The following JARID2 variants were observed in gnomAD, a reference collection of about 807,000 sequenced individuals.
JARID2 encodes the protein protein Jumonji.
In JARID2, 21 loss-of-function variants were observed where a neutral mutation model predicts 125.6. That is an observed-to-expected ratio of 0.17 (90% CI 0.12 to 0.24). JARID2 has a LOEUF of 0.24. Among genes scored for constraint, JARID2 ranks in the 10% least tolerant of loss-of-function variants. The probability of loss-of-function intolerance (pLI) is 1.00; values close to 1 mark genes in which losing one functional copy is unlikely to be tolerated. For synonymous variants in JARID2, 736 were observed against 661.6 expected, an observed-to-expected ratio of 1.11 and a Z score of -1.73; for missense variants, 1,303 against 1,639.6, an observed-to-expected ratio of 0.79 and a Z score of 3.55.
chr6:15,443,387 T>G (rs376465190), intron 3 of JARID2, among the ~76,000 whole-genome samples: 7 of 152,316 alleles, frequency 4.6e-5, no homozygotes, highest in East Asian at 1.9e-4. Flanking sequence ...GATTACAGAT[T>G]GTATTGCTAC....
rs952513333 is a variant in JARID2 at position 15,412,830 on chromosome 6, CT to C, written c.323+2469del. On this transcript the variant is annotated intron_variant, in intron 3 of 17. Transcript: ENST00000341776. ...TGTCTTCAACGCACATACAGAATGC[CT>C]TTTCTAATAGGGTAATGGAATGTGC... 2.6e-3 allele frequency among the ~76,000 whole-genome samples: 394 copies of C among 151,962 alleles called. 3 individuals are homozygous for C. The highest frequency in any genetic ancestry group is 9.2e-3 in the African/African-American group (380 of 41,348).
intron 1 of JARID2, among the ~76,000 whole-genome samples, chr6:15,261,323 T>C (rs1244111731): frequency 6.7e-6 from 1 of 149,374 alleles, no homozygotes; most frequent in Non-Finnish European, 1.5e-5. Flanking sequence ...TTTTTTTTTT[T>C]TTTTTTTTTG....
intron 1 of JARID2, among the ~76,000 whole-genome samples, chr6:15,337,054 T>C (rs1200460104): frequency 6.6e-6 from 1 of 152,068 alleles, no homozygotes; most frequent in Non-Finnish European, 1.5e-5. Flanking sequence ...GCAGGGTGAG[T>C]GTAAACGAAT....
At chr6:15,474,943 C>A (rs1769268136) in intron 5 of JARID2, among the ~76,000 whole-genome samples, 1 of 152,320 alleles carries the variant, frequency 6.6e-6, no homozygotes, top group Non-Finnish European at 1.5e-5. Flanking sequence ...GGCTGAGTTG[C>A]TGAAAGTCAG....
intron 6 of JARID2, among the ~76,000 whole-genome samples, chr6:15,495,281 G>A (rs1441431767): frequency 1.3e-5 from 2 of 152,228 alleles, no homozygotes; most frequent in African/African-American, 2.4e-5. Flanking sequence ...CAAGCTGTAA[G>A]ACTGTCTCTG....
At chr6:15,381,307 A>G (rs919394023) in intron 2 of JARID2, among the ~76,000 whole-genome samples, 3 of 148,710 alleles carry the variant, frequency 2.0e-5, no homozygotes, top group South Asian at 2.2e-4. Context: ...TGCCACTGCA[A>G]TCCAGCTGGG....
intron 2 of JARID2, among the ~76,000 whole-genome samples, chr6:15,399,102 G>A (rs1561836831): frequency 6.6e-6 from 1 of 152,184 alleles, no homozygotes; most frequent in Non-Finnish European, 1.5e-5. Flanking sequence ...GTAGTGGGGT[G>A]CATTCCAAAC....
intron 1 of JARID2, among the ~76,000 whole-genome samples, chr6:15,257,095 T>C (rs186248933): frequency 5.6e-4 from 85 of 152,280 alleles, no homozygotes; most frequent in African/African-American, 1.9e-3. Context: ...GGGCATGAAA[T>C]CCAGGTCCTG....
intron 2 of JARID2, among the ~76,000 whole-genome samples, chr6:15,385,695 G>A (rs1764759353): frequency 6.6e-6 from 1 of 152,026 alleles, no homozygotes; most frequent in Admixed American, 6.6e-5. Flanking sequence ...CGGCTCAGTG[G>A]CCCACCTGCA....
chr6:15,400,716 C>G (rs1216292249), intron 2 of JARID2: 7 of 781,334 alleles, frequency 9.0e-6, no homozygotes, highest in Non-Finnish European at 1.1e-5. Context: ...CTTTGGTGTT[C>G]GATTCCCTCC....
intron 3 of JARID2, among the ~76,000 whole-genome samples, chr6:15,443,132 C>G (rs890750314): frequency 1.3e-5 from 2 of 151,552 alleles, no homozygotes; most frequent in African/African-American, 4.8e-5. Flanking sequence ...CTGTTTTCCA[C>G]TTTAGTATTC....
At chr6:15,444,735 A>AT (rs5874512) in intron 3 of JARID2, among the ~76,000 whole-genome samples, 9,099 of 91,862 alleles carry the variant, frequency 0.099, 529 homozygotes, top group East Asian at 0.24. Flanking sequence ...GAACTGTCTG[A>AT]TTTTTTTTTT....
rs1770436978 is a variant in JARID2, at chr6:15,496,513, G to T, written c.1288G>T (p.Gly430Cys). The change falls in exon 7 of 18, where the codon GGC (glycine) becomes TGC (cysteine). Residue 430 changes from glycine (G) to cysteine (C), a missense_variant. By Grantham distance (159) the Gly-to-Cys change is radical. Transcript: ENST00000341776. ...GGTGGGGGGGCGGCAGCTGCGGGAGGGCCTGCAGCTGCGGGAGGGGCTGCG... is the reference window on the plus strand; with the variant it reads ...GGTGGGGGGGCGGCAGCTGCGGGAGTGCCTGCAGCTGCGGGAGGGGCTGCG... ...KEVGGRQLREGLQLREGLRNS... is the reference protein window; with the variant it reads ...KEVGGRQLRECLQLREGLRNS... 2 of 1,606,464 alleles carry T rather than the reference G, an allele frequency of 1.2e-6. No homozygotes were observed. The highest frequency in any genetic ancestry group is 1.7e-6 in the Non-Finnish European group (2 of 1,176,688).
intron 1 of JARID2, among the ~76,000 whole-genome samples, chr6:15,283,506 T>G (rs1760864614): frequency 7.2e-6 from 1 of 139,642 alleles, no homozygotes; most frequent in African/African-American, 2.7e-5. Flanking sequence ...TACGCCCGGC[T>G]AATTTTCTTG....
chr6:15,421,503 A>G (rs1272986942), intron 3 of JARID2, among the ~76,000 whole-genome samples: 1 of 152,162 alleles, frequency 6.6e-6, no homozygotes, highest in Admixed American at 6.5e-5. Flanking sequence ...CCTATAATAA[A>G]AATAGTAAAC....
intron 17 of JARID2, among the ~76,000 whole-genome samples, chr6:15,517,495 T>C (rs1208625733): frequency 6.6e-6 from 1 of 152,206 alleles, no homozygotes; most frequent in Admixed American, 6.5e-5. Flanking sequence ...AATGGGCTCT[T>C]AACAGGGCTG....
chr6:15,501,991 C>T (rs751107651), intron 8 of JARID2, among the ~76,000 whole-genome samples: 1 of 152,172 alleles, frequency 6.6e-6, no homozygotes, highest in Non-Finnish European at 1.5e-5. Flanking sequence ...GTTTTCTATC[C>T]GCTCACCTCA....
intron 2 of JARID2, among the ~76,000 whole-genome samples, chr6:15,408,994 C>T (rs968526528): frequency 7.9e-5 from 12 of 152,162 alleles, no homozygotes; most frequent in Admixed American, 7.9e-4. Context: ...TTATTTTCAA[C>T]CTCATGTTAT....
chr6:15,285,907 G>C (rs1760980680), intron 1 of JARID2, among the ~76,000 whole-genome samples: 1 of 152,188 alleles, frequency 6.6e-6, no homozygotes, highest in African/African-American at 2.4e-5. Flanking sequence ...AAGCCCACTT[G>C]ATGAAAGAGC....
Sources: allele counts gnomAD v4.1 joint callset (sites outside exome capture counted in the v4.1 genomes callset), GRCh38; gene constraint gnomAD v4.1.1; transcripts MANE v1.5; gene names NCBI Gene and HGNC (gene_info 2026-07-23, HGNC 2026-07-21).